DZIP1L: variants seen among roughly 807,000 people sequenced by gnomAD.
DZIP1L encodes the protein DAZ interacting zinc finger protein 1 like.
A neutral mutation model predicts 88.7 loss-of-function variants in DZIP1L; 90 were observed. The ratio of observed to expected loss-of-function variants is 1.02; its 90% CI spans 0.86 to 1.21. DZIP1L has a LOEUF of 1.21. Among genes scored for constraint, DZIP1L ranks in the 50% most tolerant of loss-of-function variants. The pLI is 0.00. For synonymous variants in DZIP1L, 363 were observed against 372.1 expected (o/e 0.98, Z 0.28); for missense variants, 932 against 955.8 (o/e 0.98, Z 0.33).
intron 7 of DZIP1L, 83 bp downstream of exon 7, chr3:138,086,878 G>T: frequency 7.1e-7 from 1 of 1,405,378 alleles, no homozygotes; most frequent in Non-Finnish European, 9.9e-7. Flanking sequence ...GGGAGATGGT[G>T]GGTGAGGGGG....
intron 6 of DZIP1L, 61 bp from the exon 7 acceptor site, chr3:138,087,084 C>T: frequency 6.5e-7 from 1 of 1,543,894 alleles, no homozygotes; most frequent in Non-Finnish European, 8.9e-7. Flanking sequence ...TGTTATAAAG[C>T]TACAGGAAGT....
intron 2 of DZIP1L, chr3:138,101,698 T>C (rs190862187): frequency 9.8e-6 from 8 of 814,254 alleles, no homozygotes; most frequent in Non-Finnish European, 1.7e-5. Context: ...GGTCTTTGTA[T>C]GGATACTTGT....
chr3:138,064,563 C>G (rs777957980), intron 15 of DZIP1L, 65 bp downstream of exon 15: 2 of 1,613,700 alleles, frequency 1.2e-6, no homozygotes, highest in Non-Finnish European at 1.7e-6. Context: ...CACCCCAGGC[C>G]CCCCAAACTC....
chr3:138,109,297 G>A (rs867751203), intron 1 of DZIP1L, among the ~76,000 whole-genome samples: 1 of 152,160 alleles, frequency 6.6e-6, no homozygotes, highest in South Asian at 2.1e-4. Flanking sequence ...AAGCCCTTGA[G>A]GAGGTACTAT....
At chr3:138,067,746 A>C in intron 13 of DZIP1L, 46 bp from the exon 14 acceptor site, 2 of 1,506,246 alleles carry the variant, frequency 1.3e-6, no homozygotes, top group Admixed American at 4.6e-5. Context: ...GGCCAGAAAG[A>C]AAACTTCAAA....
At chr3:138,097,599 A>T (rs1418481137) in intron 3 of DZIP1L, among the ~76,000 whole-genome samples, 164 bp downstream of exon 3, 1 of 152,188 alleles carries the variant, frequency 6.6e-6, no homozygotes, top group Non-Finnish European at 1.5e-5. Context: ...CTTCCAACCC[A>T]TGTGGGCTCC....
At chr3:138,090,872 T>C (rs17838821) in intron 5 of DZIP1L, among the ~76,000 whole-genome samples, 88,452 of 150,818 alleles carry the variant, frequency 0.59, 28,005 homozygotes, top group Non-Finnish European at 0.7. Context: ...TGGGAAGATA[T>C]GGTCAAGGGA....
chr3:138,101,704 C>T (rs979462670), intron 2 of DZIP1L: 59 of 821,638 alleles, frequency 7.2e-5, no homozygotes, highest in Admixed American at 2.2e-4. Context: ...TGTATGGATA[C>T]TTGTGTTCTG....
chr3:138,081,727 C>T lies in DZIP1L; in HGVS notation c.1234+7G>A. ...ACTGCTACACACTGCCCTGTGTAGACACTTACCTTCCACCTTCCTGAGAGA... is the reference window on the plus strand; with the variant it reads ...ACTGCTACACACTGCCCTGTGTAGATACTTACCTTCCACCTTCCTGAGAGA... On this transcript the variant is annotated splice_region_variant and intron_variant, in intron 9 of 15. Coordinates refer to ENST00000327532, the MANE Select transcript of DZIP1L (RefSeq NM_173543.3). 1 of 1,612,992 alleles carries T rather than the reference C, an allele frequency of 6.2e-7. No homozygotes were observed. The highest frequency in any genetic ancestry group is 8.5e-7 in the Non-Finnish European group (1 of 1,179,426).
At chr3:138,068,008 T>C in intron 13 of DZIP1L, 143 bp downstream of exon 13, 1 of 772,484 alleles carries the variant, frequency 1.3e-6, no homozygotes. Flanking sequence ...GAGCTCAGAC[T>C]GGACCCCACC....
intron 12 of DZIP1L, among the ~76,000 whole-genome samples, chr3:138,069,786 C>T (rs1019998089): frequency 2.0e-5 from 3 of 152,110 alleles, no homozygotes; most frequent in Non-Finnish European, 2.9e-5. Flanking sequence ...ACAGCCTTGC[C>T]CAGGCCACAG....
chr3:138,112,002 CAAA>C (rs56199137), intron 1 of DZIP1L, among the ~76,000 whole-genome samples: 10 of 135,070 alleles, frequency 7.4e-5, no homozygotes, highest in East Asian at 2.1e-4. Context: ...AATTCTGTCT[CAAA>C]AAAAAAAAAA....
chr3:138,099,815 A>G (rs780891125), intron 2 of DZIP1L, among the ~76,000 whole-genome samples: 3 of 152,216 alleles, frequency 2.0e-5, no homozygotes, highest in Non-Finnish European at 4.4e-5. Context: ...GAAAGCAGCC[A>G]GAGGCCCTCA....
chr3:138,094,568 C>G (rs1227381218), intron 4 of DZIP1L, among the ~76,000 whole-genome samples: 1 of 152,258 alleles, frequency 6.6e-6, no homozygotes, highest in Non-Finnish European at 1.5e-5. Flanking sequence ...TAACTAACAG[C>G]ATTGTGTACG....
chr3:138,104,189 A>G, intron 1 of DZIP1L, 137 bp from the exon 2 acceptor site: 1 of 804,284 alleles, frequency 1.2e-6, no homozygotes, highest in Non-Finnish European at 1.9e-6. Flanking sequence ...GTGTGCTGAC[A>G]TGGCCAGAGC....
chr3:138,097,604 G>A (rs1248310649), intron 3 of DZIP1L, among the ~76,000 whole-genome samples, 159 bp downstream of exon 3: 2 of 152,188 alleles, frequency 1.3e-5, no homozygotes, highest in African/African-American at 4.8e-5. Flanking sequence ...AACCCATGTG[G>A]GCTCCCCCGG....
At chr3:138,080,696 C>T (rs1174230647) in intron 9 of DZIP1L, 76 bp from the exon 10 acceptor site, 2 of 1,510,062 alleles carry the variant, frequency 1.3e-6, no homozygotes, top group East Asian at 2.3e-5. Context: ...TACAGAACCC[C>T]AGCTGAGTAT....
intron 10 of DZIP1L, 65 bp from the exon 11 acceptor site, chr3:138,077,697 C>T: frequency 3.8e-6 from 6 of 1,589,764 alleles, no homozygotes; most frequent in East Asian, 2.2e-5. Context: ...CAGAGCCCTA[C>T]TGCACCTGCC....
intron 11 of DZIP1L, 137 bp downstream of exon 11, chr3:138,077,362 G>T: frequency 7.6e-7 from 1 of 1,316,326 alleles, no homozygotes; most frequent in Non-Finnish European, 1.1e-6. Context: ...GCGTGCAGAT[G>T]CCAGAGGAGC....
Sources: gnomAD v4.1 joint callset for allele counts (sites outside exome capture counted in the v4.1 genomes callset) on GRCh38, gnomAD v4.1.1 for gene constraint, MANE v1.5 for transcripts, NCBI Gene and HGNC (gene_info 2026-07-23, HGNC 2026-07-21) for gene names.